Variants in PCDHGB6 observed in about 807,000 individuals in gnomAD.
The protein encoded by PCDHGB6 is protocadherin gamma subfamily B, 6.
In PCDHGB6, 51 loss-of-function variants were observed where a neutral mutation model predicts 59.1. The ratio of observed to expected loss-of-function variants is 0.86; its 90% CI spans 0.69 to 1.09. The LOEUF is 1.09. PCDHGB6 is among the 50% of genes least tolerant of loss of function. PCDHGB6 has a pLI of 0.00. For synonymous variants in PCDHGB6, 466 were observed against 495.1 expected (o/e 0.94, Z 0.78); for missense variants, 1,148 against 1,205.1 (o/e 0.95, Z 0.70).
chr5:141,508,994 A>G (rs2099873731), intron 3 of PCDHGB6, among the ~76,000 whole-genome samples: 1 of 152,052 alleles, frequency 6.6e-6, no homozygotes, highest in South Asian at 2.1e-4. Flanking sequence ...CAGCTGGGGT[A>G]GGAGAGGAGG....
intron 1 of PCDHGB6, chr5:141,441,662 C>T: frequency 3.8e-6 from 1 of 260,740 alleles, no homozygotes; most frequent in Non-Finnish European, 7.7e-6. Flanking sequence ...TGTCCTTGAG[C>T]GCACAGTGCG....
At chr5:141,495,446 C>A (rs1165861519) in intron 2 of PCDHGB6, among the ~76,000 whole-genome samples, 1 of 152,220 alleles carries the variant, frequency 6.6e-6, no homozygotes, top group African/African-American at 2.4e-5. Flanking sequence ...CCCTACTTGT[C>A]CTGCTCTCTG....
chr5:141,424,401 G>A (rs1167861346), intron 1 of PCDHGB6: 1 of 151,844 alleles, frequency 6.6e-6, no homozygotes, highest in Non-Finnish European at 1.5e-5. Flanking sequence ...CCATTACTAT[G>A]GTGAAGTTAC....
At chr5:141,433,391 CTA>C (rs1477426085) in intron 1 of PCDHGB6, among the ~76,000 whole-genome samples, 3 of 151,570 alleles carry the variant, frequency 2.0e-5, no homozygotes, top group African/African-American at 7.3e-5. Context: ...ATCTATCTAT[CTA>C]TCTATCTATC....
chr5:141,443,588 A>T (rs1479393074), intron 1 of PCDHGB6, among the ~76,000 whole-genome samples: 3 of 152,240 alleles, frequency 2.0e-5, no homozygotes, highest in Non-Finnish European at 4.4e-5. Context: ...CTAAAACAGA[A>T]TGTGGTATAT....
intron 1 of PCDHGB6, among the ~76,000 whole-genome samples, chr5:141,488,118 A>G (rs1054356891): frequency 2.7e-4 from 41 of 152,190 alleles, no homozygotes; most frequent in Non-Finnish European, 2.9e-5. Context: ...AAACATAGAG[A>G]CAGCAGAAAG....
Position 141,491,405 on chromosome 5 carries a change from A to C in PCDHGB6, c.2419-3402A>C. 6.2e-7 allele frequency: 1 copy of C among 1,614,096 alleles called. No individual in the cohort carries two copies. Among genetic ancestry groups the C allele is most frequent in the Non-Finnish European group, 8.5e-7 (1 of 1,179,998 alleles). On this transcript the variant is annotated intron_variant, in intron 1 of 3. Coordinates refer to ENST00000520790, the MANE Select transcript of PCDHGB6 (RefSeq NM_018926.3). This position sits in a 1 kb window ranked among gnomAD's most constrained non-coding sequence, Gnocchi z 6.9. ...GCGAAGTGCCTTCAGGGAAACGCAG[A>C]CGGGGACGGGGGTGGAGGGCAGTGC... is the stretch of plus-strand genomic sequence containing the variant.
At chr5:141,420,029 G>T (rs1382842280) in intron 1 of PCDHGB6, 2 of 1,614,082 alleles carry the variant, frequency 1.2e-6, no homozygotes, top group Non-Finnish European at 1.7e-6. Flanking sequence ...CCCTACTGCA[G>T]GAGACTGCTT....
rs1001555249 is a variant in PCDHGB6, at chr5:141,486,728, G to A, written c.2419-8079G>A. The A allele has an allele frequency of 1.2e-6, 2 of 1,614,200 alleles. No homozygotes were observed. The highest frequency in any genetic ancestry group is 1.7e-6 in the Non-Finnish European group (2 of 1,180,052). On this transcript the variant is annotated intron_variant, in intron 1 of 3. Transcript: ENST00000520790. This position sits in a 1 kb window ranked among gnomAD's most constrained non-coding sequence, Gnocchi z 5.0. Reference sequence around the variant, plus strand: ...GAACCCCCAGACAGGAGCTGTTCATGCTACTCGATCCTTTGACTATGAGCA... The same window carrying A: ...GAACCCCCAGACAGGAGCTGTTCATACTACTCGATCCTTTGACTATGAGCA...
Position 141,431,887 on chromosome 5 carries a change from T to G in PCDHGB6, c.2418+21267T>G. ...TTTTAAATGTAAATGACCAAGATTC[T>G]GAGGAAAACGGACAGGTGATCTGTT... On this transcript the variant is annotated intron_variant, in intron 1 of 3. Transcript: ENST00000520790. The surrounding 1 kb of genome is among the most constrained non-coding windows in gnomAD (Gnocchi z 4.8). 6.2e-7 allele frequency: 1 copy of G among 1,614,190 alleles called. No individual in the cohort carries two copies. Among genetic ancestry groups the G allele is most frequent in the Non-Finnish European group, 8.5e-7 (1 of 1,179,996 alleles).
Position 141,501,290 on chromosome 5 carries a change from TACACACACACACAC to T in PCDHGB6, c.2478-4072_2478-4059del, listed in dbSNP as rs55762287. ...GTCCAGTCTATGGGATATTCCCTTA[TACACACACACACAC>T]ACACACACACACACACACACACACA... On this transcript the variant is annotated intron_variant, in intron 2 of 3. Transcript: ENST00000520790. Among the ~76,000 whole-genome samples, 10 of 136,248 alleles carry T rather than the reference TACACACACACACAC, an allele frequency of 7.3e-5. No homozygotes were observed. In the South Asian group the frequency reaches 1.2e-3, roughly 16 times the overall value. 89.4% of individuals were successfully genotyped at this position (136,248 alleles called of 152,430 possible).
intron 1 of PCDHGB6, chr5:141,442,490 T>C (rs2098328971): frequency 6.6e-6 from 1 of 152,222 alleles, no homozygotes; most frequent in South Asian, 2.1e-4. Flanking sequence ...AAGGGGATGA[T>C]TGTGATTATT....
At chr5:141,419,793 C>T in intron 1 of PCDHGB6, 1 of 1,614,072 alleles carries the variant, frequency 6.2e-7, no homozygotes, top group East Asian at 2.2e-5. Flanking sequence ...CTGCTAGTCG[C>T]TGTAAGAGAT....
intron 1 of PCDHGB6, chr5:141,423,665 G>A: frequency 6.6e-7 from 1 of 1,512,226 alleles, no homozygotes; most frequent in Non-Finnish European, 8.9e-7. Flanking sequence ...AATCAGGTGA[G>A]ATTTATTTCT....
chr5:141,432,575 T>TACC lies in PCDHGB6; in HGVS notation c.2418+21956_2418+21958dup, dbSNP rs1044250629. 6.2e-7 allele frequency: 1 copy of TACC among 1,613,326 alleles called. No individual in the cohort carries two copies. The highest frequency in any genetic ancestry group is 1.3e-5 in the African/African-American group (1 of 74,718). ...CTCCGGCCAGAACGCCTGGCTGTCC[T>TACC]ACCGTCTGCTCAAGGCCAGCGAGCC... On this transcript the variant is annotated intron_variant, in intron 1 of 3. Transcript: ENST00000520790. This position sits in a 1 kb window ranked among gnomAD's most constrained non-coding sequence, Gnocchi z 6.0.
chr5:141,496,747 A>T (rs13188028), intron 2 of PCDHGB6, among the ~76,000 whole-genome samples: 1 of 152,124 alleles, frequency 6.6e-6, no homozygotes, highest in Non-Finnish European at 1.5e-5. Context: ...CATTTATTCA[A>T]CAAATATTTA....
At chr5:141,427,187 C>T (rs1318380362) in intron 1 of PCDHGB6, 1 of 456,574 alleles carries the variant, frequency 2.2e-6, no homozygotes, top group Middle Eastern at 3.3e-4. Flanking sequence ...AAATTAAATC[C>T]AAAGACTTAA....
rs1246204844 is a variant in PCDHGB6, at chr5:141,419,493, A to T, written c.2418+8873A>T. On this transcript the variant is annotated intron_variant, in intron 1 of 3. Coordinates refer to ENST00000520790, the MANE Select transcript of PCDHGB6 (RefSeq NM_018926.3). ...CAGGGCTCGCCCGCGCTCAGCGCCA[A>T]TGTGAGCCTGCGCGTGTTGGTGGGC... 3 of 1,612,264 alleles carry T rather than the reference A, an allele frequency of 1.9e-6. No individual in the cohort carries two copies. The African/African-American group carries it at 4.0e-5, about 22-fold the overall frequency.
intron 1 of PCDHGB6, among the ~76,000 whole-genome samples, chr5:141,467,702 C>T (rs2099149453): frequency 6.6e-6 from 1 of 152,086 alleles, no homozygotes; most frequent in South Asian, 2.1e-4. Context: ...GGCTCTGTTG[C>T]CCAGGCTGGA....
Sources: allele counts gnomAD v4.1 joint callset (sites outside exome capture counted in the v4.1 genomes callset), GRCh38; gene constraint gnomAD v4.1.1; non-coding constraint Gnocchi (gnomAD v3.1); transcripts MANE v1.5; gene names NCBI Gene and HGNC (gene_info 2026-07-23, HGNC 2026-07-21).